Variants in SLC30A5 observed in about 807,000 individuals in gnomAD.
SLC30A5 encodes proton-coupled zinc antiporter SLC30A5.
SLC30A5 carries 33 observed loss-of-function variants against 79.6 expected under a neutral mutation model. The observed-to-expected ratio is 0.41, with a 90% CI of 0.31 to 0.55. The LOEUF is 0.55. SLC30A5 is among the 20% of genes least tolerant of loss of function. The probability of loss-of-function intolerance (pLI) is 0.20; values close to 1 mark genes in which losing one functional copy is unlikely to be tolerated. For synonymous variants in SLC30A5, 299 were observed against 319.7 expected, an observed-to-expected ratio of 0.94 and a Z score of 0.69; for missense variants, 788 against 928.1, an observed-to-expected ratio of 0.85 and a Z score of 1.96.
Position 69,116,675 on chromosome 5 carries a change from T to C in SLC30A5, c.1281+73T>C. 1 of 1,011,878 alleles carries C rather than the reference T, an allele frequency of 9.9e-7. No homozygotes were observed. The highest frequency in any genetic ancestry group is 2.8e-5 in the East Asian group (1 of 35,828). The allele number at this position is 1,011,878 out of a possible 1,614,324, so 62.7% of individuals were successfully genotyped here. A position where few individuals can be genotyped will look rare whatever the true frequency, so the allele number is the denominator to read the frequency against. ...TAATTTTGACAGTTCTGGTATAAGTTTAGTACTTCCCAAATTTCTGATAAT... is the reference window on the plus strand; with the variant it reads ...TAATTTTGACAGTTCTGGTATAAGTCTAGTACTTCCCAAATTTCTGATAAT... On this transcript the variant is annotated intron_variant, in intron 10 of 15. Coordinates refer to ENST00000396591, the MANE Select transcript of SLC30A5 (RefSeq NM_022902.5). The surrounding 1 kb of genome is among the most constrained non-coding windows in gnomAD (Gnocchi z 4.0).
chr5:69,125,104 A>G (rs1746639192), intron 14 of SLC30A5, among the ~76,000 whole-genome samples: 3 of 152,168 alleles, frequency 2.0e-5, no homozygotes, highest in African/African-American at 7.2e-5. Context: ...GAAAAAGACA[A>G]TCTTAGCTGT....
At chr5:69,110,932 A>G (rs554420840) in intron 5 of SLC30A5, among the ~76,000 whole-genome samples, 3 of 152,278 alleles carry the variant, frequency 2.0e-5, no homozygotes, top group Admixed American at 2.0e-4. Flanking sequence ...ACTAGAAGTG[A>G]GAGTGTTCTC....
chr5:69,115,970 G>A lies in SLC30A5; in HGVS notation c.828G>A (p.Thr276=), dbSNP rs202177928. 1.5e-5 allele frequency: 25 copies of A among 1,613,598 alleles called. No homozygotes were observed. In the East Asian group the frequency reaches 2.0e-4, roughly 13 times the overall value. The change falls in exon 9 of 16, where the codon ACG becomes ACA. Residue 276 remains threonine (T), a synonymous_variant. Transcript: ENST00000396591. ...TTTCTCTCATTATGCCTTTTGCAAC[G>A]GTTATCTTTTTTGTCATGATCCTGG... is the stretch of plus-strand genomic sequence containing the variant. ...SWFSLIMPFA[T]VIFFVMILDF... is the part of the protein sequence containing the mutation.
intron 4 of SLC30A5, among the ~76,000 whole-genome samples, chr5:69,107,449 T>C (rs1455424456): frequency 6.6e-6 from 1 of 152,244 alleles, no homozygotes; most frequent in Non-Finnish European, 1.5e-5. Flanking sequence ...AAGTACATTC[T>C]AAAATAATTT....
At chr5:69,096,085 C>T (rs1745722252) in intron 1 of SLC30A5, among the ~76,000 whole-genome samples, 1 of 152,070 alleles carries the variant, frequency 6.6e-6, no homozygotes, top group Non-Finnish European at 1.5e-5. Context: ...AAGCATATCA[C>T]TTAAATTTCC....
intron 3 of SLC30A5, 40 bp downstream of exon 3, chr5:69,103,168 C>T (rs185556643): frequency 2.7e-6 from 3 of 1,101,738 alleles, no homozygotes; most frequent in Admixed American, 1.9e-5. Flanking sequence ...AGCAGCTTCT[C>T]GTTTAGTGGG....
At chr5:69,100,612 TAAAAAAA>T (rs33982147) in intron 1 of SLC30A5, among the ~76,000 whole-genome samples, 188 bp from the exon 2 acceptor site, 1 of 134,478 alleles carries the variant, frequency 7.4e-6, no homozygotes. Context: ...CTCTATGAGT[TAAAAAAA>T]AAAAAAAAAA....
chr5:69,129,211 A>G (rs763684170), intron 15 of SLC30A5, among the ~76,000 whole-genome samples: 4 of 152,142 alleles, frequency 2.6e-5, no homozygotes, highest in Non-Finnish European at 5.9e-5. Flanking sequence ...TAATACTCGC[A>G]TTACGCTTAC....
At chr5:69,111,566 A>C (rs1311983879) in intron 5 of SLC30A5, among the ~76,000 whole-genome samples, 1 of 151,934 alleles carries the variant, frequency 6.6e-6, no homozygotes, top group African/African-American at 2.4e-5. Flanking sequence ...GGCCTCCCAA[A>C]GTGCTGGGAT....
intron 1 of SLC30A5, 119 bp downstream of exon 1, chr5:69,094,457 C>A: frequency 9.2e-7 from 1 of 1,089,470 alleles, no homozygotes; most frequent in Non-Finnish European, 1.2e-6. Context: ...GCCCTCTCCC[C>A]CTGCCTGCCT....
At chr5:69,098,878 C>G (rs1745823969) in intron 1 of SLC30A5, among the ~76,000 whole-genome samples, 1 of 152,138 alleles carries the variant, frequency 6.6e-6, no homozygotes, top group Non-Finnish European at 1.5e-5. Flanking sequence ...AGGACTTAAA[C>G]CAAAATAAAC....
intron 14 of SLC30A5, among the ~76,000 whole-genome samples, chr5:69,123,804 G>A (rs350111): frequency 0.38 from 57,882 of 151,834 alleles, 11,568 homozygotes; most frequent in East Asian, 0.53. Flanking sequence ...AAGAGTTAGC[G>A]CTTGAGAATA....
chr5:69,096,040 G>A (rs1046432249), intron 1 of SLC30A5, among the ~76,000 whole-genome samples: 2 of 152,278 alleles, frequency 1.3e-5, no homozygotes, highest in Middle Eastern at 3.4e-3. Context: ...CTGCACTCCA[G>A]CCTGGGTGAC....
In SLC30A5 at chr5:69,116,508, C is replaced by T. The variant is rs1432286307; in HGVS notation, c.1187C>T (p.Ser396Phe). The T allele has an allele frequency of 3.1e-6, 5 of 1,612,620 alleles. No homozygotes were observed. Among genetic ancestry groups the T allele is most frequent in the Non-Finnish European group, 4.2e-6 (5 of 1,179,426 alleles). The stretch of plus-strand genomic sequence containing the variant: ...ATGGGTGATGCTTTTCAGCATAGCT[C>T]TCAATCGATCCCTAGGTTTATTAAG... ...NFMGDAFQHSSQSIPRFIKES... is the reference protein window; with the variant it reads ...NFMGDAFQHSFQSIPRFIKES... The change falls in exon 10 of 16, where the codon TCT becomes TTT. Residue 396 changes from serine to phenylalanine, a missense_variant. Transcript: ENST00000396591. The surrounding 1 kb of genome is among the most constrained non-coding windows in gnomAD (Gnocchi z 4.0).
chr5:69,109,822 G>C (rs1746183848), intron 5 of SLC30A5, among the ~76,000 whole-genome samples: 5 of 152,144 alleles, frequency 3.3e-5, no homozygotes, highest in Admixed American at 3.3e-4. Context: ...CCTACTTGCA[G>C]ACCCTGGCTG....
At chr5:69,122,702 A>C (rs1746569406) in intron 13 of SLC30A5, among the ~76,000 whole-genome samples, 2 of 152,196 alleles carry the variant, frequency 1.3e-5, no homozygotes, top group African/African-American at 4.8e-5. Context: ...TTAGTTTTTA[A>C]ATGATTATAA....
chr5:69,116,221 A>T lies in SLC30A5; in HGVS notation c.1072+7A>T, dbSNP rs1580178937. 6.4e-7 allele frequency: 1 copy of T among 1,557,366 alleles called. No individual in the cohort carries two copies. The highest frequency in any genetic ancestry group is 8.7e-7 in the Non-Finnish European group (1 of 1,153,994). On this transcript the variant is annotated splice_region_variant and intron_variant, in intron 9 of 15. Transcript: ENST00000396591. This position sits in a 1 kb window ranked among gnomAD's most constrained non-coding sequence, Gnocchi z 4.0. ...GCTATATTCTTCATTTTGTGTAAGC[A>T]TTCCCCCCTTTTTTTTATTTTAACA...
At position 69,123,293 on chromosome 5, in the gene SLC30A5, C is replaced by T. The variant is rs1746585206; in HGVS notation, c.1866C>T (p.Asp622=). ...AGCAGTTTGGATGGTTCATCGCTGA[C>T]CCACTCTGTTCTCTTTTTATTGCTA... ...LIEQFGWFIA[D]PLCSLFIAIL... The change falls in exon 14 of 16, where the codon GAC becomes GAT. Residue 622 remains aspartate, a synonymous_variant. Coordinates refer to ENST00000396591, the MANE Select transcript of SLC30A5 (RefSeq NM_022902.5). 1.2e-6 allele frequency: 2 copies of T among 1,613,758 alleles called. No homozygotes were observed. The highest frequency in any genetic ancestry group is 1.3e-5 in the African/African-American group (1 of 74,914).
At position 69,094,400 on chromosome 5, in the gene SLC30A5, C is replaced by T. The variant is rs377352065; in HGVS notation, c.83+62C>T. 2.7e-5 allele frequency: 33 copies of T among 1,239,690 alleles called. 1 individual carries two copies. In the African/African-American group the frequency reaches 4.7e-4, roughly 17 times the overall value. 76.8% of individuals were successfully genotyped at this position (1,239,690 alleles called of 1,614,324 possible). A position where few individuals can be genotyped will look rare whatever the true frequency, so the allele number is the denominator to read the frequency against. On this transcript the variant is annotated intron_variant, in intron 1 of 15. Transcript: ENST00000396591. ...TCGCTCAGGATGCACTTTCTCCGGCCTCCCTCCGGTCTCCGCTGACAGCCC... is the reference window on the plus strand; with the variant it reads ...TCGCTCAGGATGCACTTTCTCCGGCTTCCCTCCGGTCTCCGCTGACAGCCC...
Sources: allele counts gnomAD v4.1 joint callset (sites outside exome capture counted in the v4.1 genomes callset), GRCh38; gene constraint gnomAD v4.1.1; non-coding constraint Gnocchi (gnomAD v3.1); transcripts MANE v1.5; gene names NCBI Gene and HGNC (gene_info 2026-07-23, HGNC 2026-07-21).